Variants in ADD3 observed in about 807,000 individuals in gnomAD.
ADD3 encodes the protein gamma-adducin.
In ADD3, 25 loss-of-function variants were observed where a neutral mutation model predicts 80.2. The observed-to-expected ratio is 0.31, with a 90% CI of 0.23 to 0.44. The LOEUF is 0.44. Among genes scored for constraint, ADD3 ranks in the 20% least tolerant of loss-of-function variants. The probability of loss-of-function intolerance (pLI) is 1.00; values close to 1 mark genes in which losing one functional copy is unlikely to be tolerated. For synonymous variants in ADD3, 284 were observed against 289.6 expected, an observed-to-expected ratio of 0.98 and a Z score of 0.20; for missense variants, 829 against 847.5, an observed-to-expected ratio of 0.98 and a Z score of 0.27.
Position 110,055,888 on chromosome 10 carries a change from A to G in ADD3, c.-29-44737A>G, listed in dbSNP as rs534170773. Among the ~76,000 whole-genome samples, 4 of 152,382 alleles carry G rather than the reference A, an allele frequency of 2.6e-5. No individual in the cohort carries two copies. In the South Asian group the frequency reaches 8.3e-4, roughly 32 times the overall value. ...CAAGACTTTCTTGGCATAGTTTATT[A>G]AATGACATAAAGCTCATTATACAAA... On this transcript the variant is annotated intron_variant, in intron 1 of 14. Coordinates refer to ENST00000356080, the MANE Select transcript of ADD3 (RefSeq NM_016824.5).
chr10:110,007,710 G>C (rs947670725), upstream of ADD3, among the ~76,000 whole-genome samples: 120 of 152,286 alleles, frequency 7.9e-4, 1 homozygote, highest in African/African-American at 2.8e-3. Context: ...CACGGACTTA[G>C]AGCTTGAGGG....
rs1852049296 is a variant in ADD3, at chr10:110,125,592, G to C, written c.1402-234G>C. Among the ~76,000 whole-genome samples, 3 of 152,068 alleles carry C rather than the reference G, an allele frequency of 2.0e-5. No homozygotes were observed. The South Asian group carries it at 6.2e-4, about 31-fold the overall frequency. ...TTGACACAAGGAGAAAGTTTAATTA[G>C]CAGTATAATTGAATATTTATGTGAA... is the stretch of plus-strand genomic sequence containing the variant. On this transcript the variant is annotated intron_variant, in intron 10 of 14. Transcript: ENST00000356080.
intron 6 of ADD3, 106 bp downstream of exon 6, chr10:110,118,842 T>TA (rs1590204203): frequency 8.5e-7 from 1 of 1,174,764 alleles, no homozygotes; most frequent in Non-Finnish European, 1.2e-6. Context: ...TCATATTTGA[T>TA]ACAATAATCT....
intron 1 of ADD3, among the ~76,000 whole-genome samples, chr10:110,095,863 T>A (rs1468861413): frequency 6.6e-6 from 1 of 152,216 alleles, no homozygotes; most frequent in Non-Finnish European, 1.5e-5. Context: ...CCAAAGGTTT[T>A]ATATGTTGCA....
intron 1 of ADD3, among the ~76,000 whole-genome samples, chr10:110,050,506 C>CTTTTTT (rs59897959): frequency 7.7e-6 from 1 of 129,426 alleles, no homozygotes; most frequent in Admixed American, 7.8e-5. Flanking sequence ...CATTAAACCT[C>CTTTTTT]TTTTTTTTTT....
chr10:110,105,577 G>A (rs1454128813), intron 2 of ADD3, among the ~76,000 whole-genome samples: 1 of 152,196 alleles, frequency 6.6e-6, no homozygotes, highest in Admixed American at 6.5e-5. Flanking sequence ...ACCACCATGG[G>A]AAGCAGTTTA....
upstream of ADD3, among the ~76,000 whole-genome samples, chr10:110,001,005 A>C (rs541216806): frequency 4.8e-4 from 73 of 152,360 alleles, 2 homozygotes; most frequent in Middle Eastern, 3.4e-3. Context: ...TTTTGAACAC[A>C]GAGTGAGAGA....
chr10:110,087,799 GTT>G (rs1846983162), intron 1 of ADD3, among the ~76,000 whole-genome samples: 2 of 152,164 alleles, frequency 1.3e-5, no homozygotes, highest in Admixed American at 6.5e-5. Context: ...ATATGTGTTA[GTT>G]TCCTAGAACT....
intron 8 of ADD3, 61 bp from the exon 9 acceptor site, chr10:110,122,049 T>C: frequency 7.0e-7 from 1 of 1,437,926 alleles, no homozygotes; most frequent in Non-Finnish European, 9.4e-7. Flanking sequence ...TTTTTGAAAG[T>C]AAAATACTCA....
intron 1 of ADD3, among the ~76,000 whole-genome samples, chr10:110,084,338 T>C (rs1014276660): frequency 6.6e-6 from 1 of 152,212 alleles, no homozygotes; most frequent in African/African-American, 2.4e-5. Flanking sequence ...ATCAAGAAAT[T>C]GTAACATGAG....
At chr10:110,033,315 C>T (rs1855273385) in intron 1 of ADD3, among the ~76,000 whole-genome samples, 1 of 152,146 alleles carries the variant, frequency 6.6e-6, no homozygotes, top group South Asian at 2.1e-4. Flanking sequence ...AGACTAATAG[C>T]AGAATAGATG....
chr10:110,052,816 AGGTCC>A (rs1857676157), intron 1 of ADD3, among the ~76,000 whole-genome samples: 3 of 152,272 alleles, frequency 2.0e-5, no homozygotes, highest in African/African-American at 7.2e-5. Flanking sequence ...AAAGGAACTA[AGGTCC>A]ATTCAAAGAC....
chr10:110,090,989 A>G (rs1328253377), intron 1 of ADD3, among the ~76,000 whole-genome samples: 1 of 152,190 alleles, frequency 6.6e-6, no homozygotes, highest in Non-Finnish European at 1.5e-5. Context: ...AGTCATTTCA[A>G]AAGAACAAAA....
rs766867209 is a variant in ADD3 at position 110,100,786 on chromosome 10, C to A, written c.133C>A (p.Leu45Ile). Residue 45 changes from leucine to isoleucine, a missense_variant, in exon 2 of 15, where the codon CTA becomes ATA. Coordinates refer to ENST00000356080, the MANE Select transcript of ADD3 (RefSeq NM_016824.5). ...TAGGGAGAGGAACATGTCTCCTGAT[C>A]TACGACAAGACTTCAACATGATGGA... The part of the protein sequence containing the change: ...YIRERNMSPD[L>I]RQDFNMMEQR... 47 of 1,613,366 alleles carry A rather than the reference C, an allele frequency of 2.9e-5. No homozygotes were observed. Among genetic ancestry groups the A allele is most frequent in the South Asian group, 1.1e-5 (1 of 91,000 alleles).
chr10:110,095,213 T>G (rs541268947), intron 1 of ADD3, among the ~76,000 whole-genome samples: 14 of 152,200 alleles, frequency 9.2e-5, no homozygotes, highest in Non-Finnish European at 1.9e-4. Context: ...ATTTTTAAAA[T>G]AACAGTTTTA....
At chr10:110,110,983 G>GA (rs113712963) in intron 2 of ADD3, among the ~76,000 whole-genome samples, 73 of 144,696 alleles carry the variant, frequency 5.0e-4, no homozygotes, top group African/African-American at 1.1e-3. Context: ...CAACAGAGCG[G>GA]AAAAAAAAAA....
chr10:110,094,575 C>A (rs974310056), intron 1 of ADD3, among the ~76,000 whole-genome samples: 2 of 152,144 alleles, frequency 1.3e-5, no homozygotes, highest in Non-Finnish European at 2.9e-5. Context: ...TTTTTTCTCC[C>A]ATTTTTCTTC....
At chr10:110,123,399 T>C (rs539496487) in intron 9 of ADD3, among the ~76,000 whole-genome samples, 2 of 141,960 alleles carry the variant, frequency 1.4e-5, no homozygotes, top group East Asian at 3.9e-4. Flanking sequence ...TTTTTTATAA[T>C]AGCGATTCTA....
At chr10:110,056,931 A>G (rs1181839209) in intron 1 of ADD3, among the ~76,000 whole-genome samples, 1 of 152,176 alleles carries the variant, frequency 6.6e-6, no homozygotes. Flanking sequence ...TAATGGGAAG[A>G]TGGGATTATA....
Sources: gnomAD v4.1 joint callset for allele counts (sites outside exome capture counted in the v4.1 genomes callset) on GRCh38, gnomAD v4.1.1 for gene constraint, MANE v1.5 for transcripts, NCBI Gene and HGNC (gene_info 2026-07-23, HGNC 2026-07-21) for gene names.